ELL2: variants seen among roughly 807,000 people sequenced by gnomAD.
ELL2 encodes the protein elongation factor for RNA polymerase II 2.
Under a neutral mutation model 72.8 loss-of-function variants are expected in ELL2, and 21 were observed. The ratio of observed to expected loss-of-function variants is 0.29; its 90% confidence interval spans 0.20 to 0.42. The LOEUF (loss-of-function observed/expected upper bound fraction) is 0.42. ELL2 is among the 10% of genes least tolerant of loss of function. The pLI, the probability that ELL2 is intolerant of heterozygous loss-of-function variation, is 1.00. For synonymous variants in ELL2, 266 were observed against 283.2 expected, an observed-to-expected ratio of 0.94 and a Z score of 0.61; for missense variants, 568 against 772.8, an observed-to-expected ratio of 0.73 and a Z score of 3.14.
intron 10 of ELL2, chr5:95,890,849 G>A: frequency 2.1e-6 from 1 of 478,132 alleles, no homozygotes; most frequent in Non-Finnish European, 3.8e-6. Context: ...CTATTTAGTT[G>A]TGTTTGGTAT....
intron 2 of ELL2, 119 bp from the exon 3 acceptor site, chr5:95,919,664 T>C: frequency 1.7e-6 from 2 of 1,200,684 alleles, no homozygotes; most frequent in African/African-American, 1.6e-5. Flanking sequence ...CCTTTTGATA[T>C]ATACATCCTC....
intron 3 of ELL2, among the ~76,000 whole-genome samples, chr5:95,917,864 TA>T (rs1749881335): frequency 6.6e-6 from 1 of 152,210 alleles, no homozygotes; most frequent in South Asian, 2.1e-4. Flanking sequence ...TTAAGCTCCT[TA>T]ATAAAATTCC....
At chr5:95,933,232 A>T (rs991961313) in intron 2 of ELL2, among the ~76,000 whole-genome samples, 17 of 152,214 alleles carry the variant, frequency 1.1e-4, no homozygotes, top group Non-Finnish European at 2.1e-4. Flanking sequence ...GGGATAAATG[A>T]TTTGGTGACA....
At chr5:95,943,334 T>A (rs1404132195) in intron 1 of ELL2, among the ~76,000 whole-genome samples, 1 of 152,088 alleles carries the variant, frequency 6.6e-6, no homozygotes, top group Non-Finnish European at 1.5e-5. Flanking sequence ...AAAATCTCTT[T>A]TCATTATATA....
intron 1 of ELL2, among the ~76,000 whole-genome samples, chr5:95,955,584 G>C (rs950831086): frequency 1.3e-5 from 2 of 152,180 alleles, no homozygotes; most frequent in Non-Finnish European, 2.9e-5. Context: ...CCTGACCCGA[G>C]TTATGCTGTG....
At chr5:95,925,806 C>T (rs11948037) in intron 2 of ELL2, among the ~76,000 whole-genome samples, 6,249 of 152,206 alleles carry the variant, frequency 0.041, 219 homozygotes, top group African/African-American at 0.084. Context: ...GGCCTCAGAA[C>T]CCACCTCCCC....
At chr5:95,906,882 G>A in intron 4 of ELL2, 100 bp from the exon 5 acceptor site, 7 of 1,273,060 alleles carry the variant, frequency 5.5e-6, no homozygotes, top group South Asian at 4.4e-5. Flanking sequence ...CATTTCTAGA[G>A]GAAATAATAA....
intron 2 of ELL2, among the ~76,000 whole-genome samples, chr5:95,925,924 A>T (rs1750264596): frequency 6.6e-6 from 1 of 152,194 alleles, no homozygotes; most frequent in African/African-American, 2.4e-5. Flanking sequence ...GCAAACATTT[A>T]AACATTAGAA....
Position 95,900,976 on chromosome 5 carries a change from T to C in ELL2, c.846A>G (p.Ser282=), listed in dbSNP as rs35478317. The C allele has an allele frequency of 3.7e-6, 6 of 1,607,610 alleles. No individual in the cohort carries two copies. Among genetic ancestry groups the C allele is most frequent in the Admixed American group, 1.7e-5 (1 of 58,090 alleles). The change falls in exon 6 of 12, where the codon TCA becomes TCG. Residue 282 remains serine (S), a synonymous_variant. Coordinates refer to ENST00000237853, the MANE Select transcript of ELL2 (RefSeq NM_012081.6). The part of the protein sequence containing the change: ...WPGYSEIDRR[S]LESVLSRKLN... Reference sequence around the variant, plus strand: ...TTCACCTAGAGAGCACTGACTCCAATGACCGTCTGTCTATTTCACTGTATC... The same window carrying C: ...TTCACCTAGAGAGCACTGACTCCAACGACCGTCTGTCTATTTCACTGTATC...
chr5:95,916,183 G>A (rs1029974020), intron 3 of ELL2, among the ~76,000 whole-genome samples: 1 of 152,022 alleles, frequency 6.6e-6, no homozygotes, highest in East Asian at 1.9e-4. Context: ...CACACTCAGA[G>A]AGAGGTGGGG....
intron 8 of ELL2, among the ~76,000 whole-genome samples, chr5:95,897,947 A>G (rs1748937414): frequency 6.6e-6 from 1 of 152,212 alleles, no homozygotes; most frequent in Non-Finnish European, 1.5e-5. Context: ...CAATATCATA[A>G]CAGATATGGA....
chr5:95,933,020 A>T (rs1750651440), intron 2 of ELL2, among the ~76,000 whole-genome samples: 1 of 152,222 alleles, frequency 6.6e-6, no homozygotes, highest in South Asian at 2.1e-4. Context: ...ATCTTAAAAC[A>T]TTGCAGTATT....
chr5:95,954,755 T>C (rs998809549), intron 1 of ELL2, among the ~76,000 whole-genome samples: 4 of 151,806 alleles, frequency 2.6e-5, no homozygotes, highest in Admixed American at 6.6e-5. Context: ...CTTGTTAAAT[T>C]CTATAGACTC....
intron 4 of ELL2, among the ~76,000 whole-genome samples, chr5:95,907,294 A>ATTTTTTTTTTT (rs201354039): frequency 1.3e-5 from 1 of 79,558 alleles, no homozygotes; most frequent in African/African-American, 6.6e-5. Context: ...ATATATATAT[A>ATTTTTTTTTTT]TATTTTTTTT....
At chr5:95,894,393 AAAG>A (rs1179163131) in intron 9 of ELL2, among the ~76,000 whole-genome samples, 2 of 152,244 alleles carry the variant, frequency 1.3e-5, no homozygotes, top group Non-Finnish European at 2.9e-5. Flanking sequence ...AGAATTCAAA[AAAG>A]AACAAGAGCA....
chr5:95,930,871 C>T (rs570844151), intron 2 of ELL2, among the ~76,000 whole-genome samples: 2 of 151,944 alleles, frequency 1.3e-5, no homozygotes, highest in East Asian at 3.9e-4. Context: ...ATGAACATTA[C>T]AAAAGTGTGT....
chr5:95,939,866 G>C (rs1047482870), intron 2 of ELL2, among the ~76,000 whole-genome samples: 2 of 152,278 alleles, frequency 1.3e-5, no homozygotes, highest in South Asian at 2.1e-4. Flanking sequence ...GTAACTTGAA[G>C]ATCACAATGC....
At chr5:95,916,548 T>A (rs1315768919) in intron 3 of ELL2, among the ~76,000 whole-genome samples, 2 of 151,738 alleles carry the variant, frequency 1.3e-5, no homozygotes, top group Non-Finnish European at 2.9e-5. Flanking sequence ...TGGCAACAAG[T>A]CCAGAATAAT....
intron 1 of ELL2, among the ~76,000 whole-genome samples, chr5:95,957,316 G>T (rs1417635356): frequency 6.6e-6 from 1 of 152,124 alleles, no homozygotes; most frequent in East Asian, 1.9e-4. Context: ...CCATTTGGGG[G>T]AAATATGTAA....
Sources: allele counts gnomAD v4.1 joint callset (sites outside exome capture counted in the v4.1 genomes callset), GRCh38; gene constraint gnomAD v4.1.1; transcripts MANE v1.5; gene names NCBI Gene and HGNC (gene_info 2026-07-23, HGNC 2026-07-21).